LRRC69: variants seen among roughly 807,000 people sequenced by gnomAD.
The protein encoded by LRRC69 is leucine rich repeat containing 69.
LRRC69 carries 42 observed loss-of-function variants against 37.8 expected under a neutral mutation model. That is an observed-to-expected ratio of 1.11 (90% CI 0.87 to 1.44). The LOEUF (loss-of-function observed/expected upper bound fraction) is 1.44. LRRC69 is among the 40% of genes most tolerant of loss of function. LRRC69 has a pLI of 0.00. For missense variants in LRRC69, 357 were observed against 401.9 expected (o/e 0.89, Z 0.96); for synonymous variants, 141 against 143.1 (o/e 0.99, Z 0.11).
chr8:91,126,565 A>G (rs1325351783), intron 2 of LRRC69, among the ~76,000 whole-genome samples: 1 of 151,982 alleles, frequency 6.6e-6, no homozygotes, highest in Non-Finnish European at 1.5e-5. Flanking sequence ...CCTGTCTGAC[A>G]TGGCATGGGA....
chr8:91,131,485 A>G (rs1369091419), intron 3 of LRRC69, among the ~76,000 whole-genome samples: 1 of 151,896 alleles, frequency 6.6e-6, no homozygotes, highest in East Asian at 1.9e-4. Flanking sequence ...GCTTTTCTAT[A>G]CCTGAATATA....
At chr8:91,135,706 A>T (rs1036584310) in exon 5 of LRRC69, 1 of 1,458,932 alleles carries the variant, frequency 6.9e-7, no homozygotes, top group Admixed American at 3.1e-5. Context: ...TCCTAGACAT[A>T]GCTGGAAATA....
intron 7 of LRRC69, among the ~76,000 whole-genome samples, chr8:91,203,209 G>A (rs1809739948): frequency 6.6e-6 from 1 of 151,878 alleles, no homozygotes; most frequent in African/African-American, 2.4e-5. Flanking sequence ...TTAGCTGTGA[G>A]TGTGTGTGTG....
intron 1 of LRRC69, among the ~76,000 whole-genome samples, chr8:91,112,535 A>G (rs10091041): frequency 0.053 from 8,058 of 152,180 alleles, 339 homozygotes; most frequent in African/African-American, 0.11. Context: ...AAAGTTCAGC[A>G]TCCATTCATG....
intron 5 of LRRC69, among the ~76,000 whole-genome samples, chr8:91,137,394 G>A (rs1230905644): frequency 6.6e-6 from 1 of 151,888 alleles, no homozygotes; most frequent in Non-Finnish European, 1.5e-5. Flanking sequence ...AGTCTTTCTT[G>A]CTTTTGGATG....
chr8:91,209,826 A>T (rs1360719653), intron 7 of LRRC69, among the ~76,000 whole-genome samples: 1 of 152,158 alleles, frequency 6.6e-6, no homozygotes, highest in African/African-American at 2.4e-5. Context: ...GAGATATGAA[A>T]GGTTTTAAAC....
intron 2 of LRRC69, among the ~76,000 whole-genome samples, chr8:91,125,408 A>G (rs532800453): frequency 1.3e-5 from 2 of 151,986 alleles, no homozygotes; most frequent in African/African-American, 4.8e-5. Flanking sequence ...CAAATAGCAC[A>G]AGTAGACTCT....
At chr8:91,215,674 A>G (rs956693314) in intron 7 of LRRC69, among the ~76,000 whole-genome samples, 1 of 152,084 alleles carries the variant, frequency 6.6e-6, no homozygotes, top group East Asian at 1.9e-4. Context: ...TCACAGACCA[A>G]CTCCTTTTCC....
intron 1 of LRRC69, among the ~76,000 whole-genome samples, chr8:91,103,416 T>G (rs1813255746): frequency 6.6e-6 from 1 of 152,036 alleles, no homozygotes; most frequent in East Asian, 1.9e-4. Context: ...ATATTCTTTT[T>G]TAAAGAGGAA....
chr8:91,196,539 C>G (rs1330135117), intron 6 of LRRC69, among the ~76,000 whole-genome samples: 1 of 152,060 alleles, frequency 6.6e-6, no homozygotes, highest in African/African-American at 2.4e-5. Context: ...AGGGTTTGCT[C>G]ATTTCTTTTT....
At chr8:91,185,821 C>A (rs377628425) in intron 5 of LRRC69, among the ~76,000 whole-genome samples, 1 of 151,828 alleles carries the variant, frequency 6.6e-6, no homozygotes, top group South Asian at 2.1e-4. Context: ...TAAAGAGTAA[C>A]GCTATGAATT....
chr8:91,134,925 G>T (rs1027400946), intron 4 of LRRC69, among the ~76,000 whole-genome samples: 2 of 151,922 alleles, frequency 1.3e-5, no homozygotes, highest in Admixed American at 6.6e-5. Context: ...TTGAATACTT[G>T]TGAGGGGTAT....
intron 5 of LRRC69, among the ~76,000 whole-genome samples, chr8:91,177,106 C>T (rs1488850077): frequency 1.3e-5 from 2 of 151,954 alleles, no homozygotes; most frequent in South Asian, 4.1e-4. Context: ...ATTACAATAT[C>T]CTTTAATCAA....
chr8:91,217,959 C>A (rs1481614246), intron 7 of LRRC69, among the ~76,000 whole-genome samples: 1 of 152,088 alleles, frequency 6.6e-6, no homozygotes, highest in Non-Finnish European at 1.5e-5. Flanking sequence ...ATGACTTTGG[C>A]TCCCTGCTGA....
At chr8:91,218,596 A>G (rs1390812265) in intron 7 of LRRC69, among the ~76,000 whole-genome samples, 3 of 152,188 alleles carry the variant, frequency 2.0e-5, no homozygotes, top group African/African-American at 7.2e-5. Context: ...TAGATTCTGT[A>G]TCATTTTTTC....
At chr8:91,141,489 A>C (rs1808532506) in intron 5 of LRRC69, among the ~76,000 whole-genome samples, 1 of 152,126 alleles carries the variant, frequency 6.6e-6, no homozygotes, top group Non-Finnish European at 1.5e-5. Context: ...TCTATTTGGC[A>C]TCTGCAAGGG....
chr8:91,113,995 G>T (rs1336895445), intron 1 of LRRC69, among the ~76,000 whole-genome samples: 1 of 56,558 alleles, frequency 1.8e-5, no homozygotes, highest in Non-Finnish European at 3.7e-5. Context: ...AAAAAAAAAA[G>T]GTAAAGGACC....
At chr8:91,206,325 G>A (rs1484264431) in intron 7 of LRRC69, among the ~76,000 whole-genome samples, 1 of 152,144 alleles carries the variant, frequency 6.6e-6, no homozygotes, top group African/African-American at 2.4e-5. Flanking sequence ...AATAGTGGTT[G>A]AGCAGGAATT....
At chr8:91,107,836 T>C (rs1273319665) in intron 1 of LRRC69, among the ~76,000 whole-genome samples, 3 of 152,084 alleles carry the variant, frequency 2.0e-5, no homozygotes, top group South Asian at 4.1e-4. Context: ...TCTTGAAATA[T>C]GGGGATGTCA....
Sources: gnomAD v4.1 joint callset for allele counts (sites outside exome capture counted in the v4.1 genomes callset) on GRCh38, gnomAD v4.1.1 for gene constraint, MANE v1.5 for transcripts, NCBI Gene and HGNC (gene_info 2026-07-23, HGNC 2026-07-21) for gene names.